The following STK3 variants were observed in gnomAD, a reference collection of about 807,000 sequenced individuals.
The protein encoded by STK3 is serine/threonine-protein kinase 3.
STK3 carries 41 observed loss-of-function variants against 58.0 expected under a neutral mutation model. The ratio of observed to expected loss-of-function variants is 0.71; its 90% CI spans 0.55 to 0.92. The LOEUF (loss-of-function observed/expected upper bound fraction) is 0.92. Ranked by LOEUF, STK3 falls within the 40% of genes least tolerant of loss-of-function variation. The pLI, the probability that STK3 is intolerant of heterozygous loss-of-function variation, is 0.00. For synonymous variants in STK3, 170 were observed against 191.0 expected, an observed-to-expected ratio of 0.89 and a Z score of 0.91; for missense variants, 479 against 602.7, an observed-to-expected ratio of 0.79 and a Z score of 2.15.
intron 10 of STK3, among the ~76,000 whole-genome samples, chr8:98,501,413 A>G (rs1276415954): frequency 6.6e-6 from 1 of 152,040 alleles, no homozygotes; most frequent in African/African-American, 2.4e-5. Flanking sequence ...ATTTAATTAG[A>G]TCCCATTTGT....
At chr8:98,842,203 T>C (rs1056517930) in intron 3 of STK3, among the ~76,000 whole-genome samples, 4 of 152,218 alleles carry the variant, frequency 2.6e-5, no homozygotes, top group Non-Finnish European at 4.4e-5. Flanking sequence ...TAAATTCTCC[T>C]TGAATTAATA....
intron 8 of STK3, among the ~76,000 whole-genome samples, chr8:98,576,091 G>A (rs1220997789): frequency 1.3e-5 from 2 of 152,096 alleles, no homozygotes; most frequent in African/African-American, 2.4e-5. Flanking sequence ...ATAAAACATA[G>A]GGGTCTAACT....
intron 8 of STK3, among the ~76,000 whole-genome samples, chr8:98,578,036 G>C (rs984081494): frequency 6.6e-6 from 1 of 151,952 alleles, no homozygotes; most frequent in Non-Finnish European, 1.5e-5. Context: ...CCCCCAAAGG[G>C]GCAGAAAGAA....
chr8:98,571,234 G>A (rs1686698547), intron 8 of STK3, among the ~76,000 whole-genome samples: 1 of 152,154 alleles, frequency 6.6e-6, no homozygotes, highest in South Asian at 2.1e-4. Context: ...GGAGGCTGAG[G>A]CAGGAGAATC....
intron 3 of STK3, chr8:98,429,311 A>G: frequency 1.2e-6 from 2 of 1,614,162 alleles, no homozygotes; most frequent in Non-Finnish European, 1.7e-6. Flanking sequence ...CGGTCAATTT[A>G]AGGGACTATT....
intron 8 of STK3, among the ~76,000 whole-genome samples, chr8:98,576,300 C>G (rs772631017): frequency 5.9e-5 from 9 of 152,176 alleles, no homozygotes. Flanking sequence ...TTGATCACTG[C>G]AGTTTCATAT....
At chr8:98,850,658 G>A (rs543076462) in intron 3 of STK3, among the ~76,000 whole-genome samples, 1 of 152,254 alleles carries the variant, frequency 6.6e-6, no homozygotes, top group Non-Finnish European at 1.5e-5. Context: ...GATGTAAAAG[G>A]GCCTGTCATG....
At chr8:98,913,351 A>G (rs930029970) in intron 1 of STK3, among the ~76,000 whole-genome samples, 1 of 152,260 alleles carries the variant, frequency 6.6e-6, no homozygotes, top group Non-Finnish European at 1.5e-5. Context: ...AGCCAGAAAC[A>G]GAGAAATAAA....
rs541478394 is a variant in STK3 at position 98,535,553 on chromosome 8, C to A, written c.1142-8636G>T. On this transcript the variant is annotated intron_variant, in intron 9 of 10. Coordinates refer to ENST00000419617, the MANE Select transcript of STK3 (RefSeq NM_006281.4). ...ACTGGGAGATAAGAAACTCTTCATC[C>A]CAGAATCTTTACAAACTCCCCAGTG... Among the ~76,000 whole-genome samples, 130 of 151,996 alleles carry A rather than the reference C, an allele frequency of 8.6e-4. 1 individual carries two copies. Among genetic ancestry groups the A allele is most frequent in the African/African-American group, 3.1e-3 (129 of 41,468 alleles).
At chr8:98,665,978 C>T (rs1822325124) in intron 6 of STK3, among the ~76,000 whole-genome samples, 1 of 152,152 alleles carries the variant, frequency 6.6e-6, no homozygotes. Flanking sequence ...GCTGGGATTA[C>T]AGGCGTGAGC....
intron 8 of STK3, among the ~76,000 whole-genome samples, chr8:98,575,320 T>G (rs2131705122): frequency 6.7e-6 from 1 of 149,762 alleles, no homozygotes; most frequent in South Asian, 2.1e-4. Context: ...TTGCCTTGAG[T>G]GCAGGCCAGA....
At chr8:98,719,043 A>G (rs1342709284) in intron 4 of STK3, among the ~76,000 whole-genome samples, 1 of 152,140 alleles carries the variant, frequency 6.6e-6, no homozygotes, top group African/African-American at 2.4e-5. Context: ...AAGAAAGGAG[A>G]CACCTTCATC....
chr8:98,421,640 G>A (rs1358636896), intron 3 of STK3, among the ~76,000 whole-genome samples: 2 of 152,128 alleles, frequency 1.3e-5, no homozygotes, highest in African/African-American at 4.8e-5. Flanking sequence ...GCCAGGTGTG[G>A]TGTCAGGTGC....
chr8:98,674,797 G>C (rs2130861462), intron 6 of STK3, among the ~76,000 whole-genome samples: 1 of 152,178 alleles, frequency 6.6e-6, no homozygotes, highest in African/African-American at 2.4e-5. Flanking sequence ...TCACATATTT[G>C]TTTTACTATT....
chr8:98,589,144 A>G (rs1290199687), intron 7 of STK3, among the ~76,000 whole-genome samples: 45 of 152,238 alleles, frequency 3.0e-4, no homozygotes, highest in African/African-American at 1.0e-3. Flanking sequence ...CTGGTGAGGA[A>G]CTGCATTCCT....
chr8:98,459,265 G>A (rs964235914), intron 10 of STK3, among the ~76,000 whole-genome samples: 1 of 152,210 alleles, frequency 6.6e-6, no homozygotes, highest in Non-Finnish European at 1.5e-5. Context: ...CTAGAGATCT[G>A]TGAAACTTTG....
Position 98,428,015 on chromosome 8 carries a change from T to C in STK3, n.483+6112A>G, listed in dbSNP as rs554468246. On this transcript the variant is annotated intron_variant and non_coding_transcript_variant, in intron 3 of 3. Transcript: ENST00000517832. This position sits in a 1 kb window ranked among gnomAD's most constrained non-coding sequence, Gnocchi z 6.7. Reference sequence around the variant, plus strand: ...AGAGCCTGTGGGACGTGTCGGAGGCTAACGTCGAGGACGGGGAGATCCGCA... The same window carrying C: ...AGAGCCTGTGGGACGTGTCGGAGGCCAACGTCGAGGACGGGGAGATCCGCA... 3 of 1,593,838 alleles carry C rather than the reference T, an allele frequency of 1.9e-6. No individual in the cohort carries two copies. Among genetic ancestry groups the C allele is most frequent in the African/African-American group, 1.3e-5 (1 of 74,538 alleles).
chr8:98,430,570 G>A lies in STK3; in HGVS notation n.483+3557C>T, dbSNP rs773963000. ...TAATTTTGCTTCTAGGATATAGTAT[G>A]TTGTATATGATGCTGTGATTGCCCT... On this transcript the variant is annotated intron_variant and non_coding_transcript_variant, in intron 3 of 3. Coordinates refer to the STK3 transcript ENST00000517832. 1.8e-5 allele frequency: 3 copies of A among 167,026 alleles called. No homozygotes were observed. In the South Asian group the frequency reaches 6.2e-4, roughly 35 times the overall value. 10.3% of individuals were successfully genotyped at this position (167,026 alleles called of 1,614,324 possible).
At chr8:98,878,534 G>A (rs1459529556) in intron 3 of STK3, among the ~76,000 whole-genome samples, 2 of 151,392 alleles carry the variant, frequency 1.3e-5, no homozygotes, top group South Asian at 2.1e-4. Context: ...CATTTTTCCC[G>A]CCAAACCACT....
Sources: gnomAD v4.1 joint callset for allele counts (sites outside exome capture counted in the v4.1 genomes callset) on GRCh38, gnomAD v4.1.1 for gene constraint, Gnocchi (gnomAD v3.1) non-coding constraint, MANE v1.5 for transcripts, NCBI Gene and HGNC (gene_info 2026-07-23, HGNC 2026-07-21) for gene names.